Variants in VGLL4 observed in about 807,000 individuals in gnomAD.
The protein encoded by VGLL4 is transcription cofactor vestigial-like protein 4.
VGLL4 carries 7 observed loss-of-function variants against 21.0 expected under a neutral mutation model. The observed-to-expected ratio is 0.33, with a 90% confidence interval of 0.19 to 0.63. The LOEUF (loss-of-function observed/expected upper bound fraction) is 0.63, where lower values mean the gene tolerates loss of function less well. Ranked by LOEUF, VGLL4 falls within the 20% of genes least tolerant of loss-of-function variation. The pLI, the probability that VGLL4 is intolerant of heterozygous loss-of-function variation, is 0.78. For synonymous variants in VGLL4, 222 were observed against 173.2 expected, an observed-to-expected ratio of 1.28 and a Z score of -2.21; for missense variants, 394 against 425.7, an observed-to-expected ratio of 0.93 and a Z score of 0.66.
chr3:11,569,335 A>G (rs1228571582), intron 2 of VGLL4, among the ~76,000 whole-genome samples: 1 of 152,126 alleles, frequency 6.6e-6, no homozygotes, highest in Non-Finnish European at 1.5e-5. Flanking sequence ...CATTTTGAGG[A>G]TACATTCTGG....
At chr3:11,672,045 C>T (rs958571800) in intron 2 of VGLL4, among the ~76,000 whole-genome samples, 4 of 151,372 alleles carry the variant, frequency 2.6e-5, no homozygotes, top group African/African-American at 9.7e-5. Context: ...TCCTGCAAAG[C>T]GGAATAATTT....
chr3:11,662,110 G>A (rs1430785262), intron 2 of VGLL4, among the ~76,000 whole-genome samples: 3 of 152,118 alleles, frequency 2.0e-5, no homozygotes, highest in African/African-American at 7.2e-5. Flanking sequence ...ATTCTCCCTG[G>A]CTAACATTAT....
intron 3 of VGLL4, among the ~76,000 whole-genome samples, chr3:11,560,158 C>T (rs1017884770): frequency 1.3e-5 from 2 of 152,180 alleles, no homozygotes; most frequent in Non-Finnish European, 2.9e-5. Context: ...CCCACCACCA[C>T]CGCTTTTCAC....
At chr3:11,563,123 G>T (rs1403337142) in intron 3 of VGLL4, among the ~76,000 whole-genome samples, 1 of 152,198 alleles carries the variant, frequency 6.6e-6, no homozygotes, top group African/African-American at 2.4e-5. Flanking sequence ...CACTAAGCCC[G>T]CCAAGGGCCC....
chr3:11,585,253 T>C (rs2074334520), intron 2 of VGLL4, among the ~76,000 whole-genome samples: 1 of 151,926 alleles, frequency 6.6e-6, no homozygotes, highest in Admixed American at 6.6e-5. Context: ...CTGGCCAACA[T>C]GGTGAAACCC....
intron 1 of VGLL4, among the ~76,000 whole-genome samples, chr3:11,704,383 C>CAAAAAAAAAAAAAAAAAAAAA (rs57593843): frequency 2.3e-4 from 16 of 69,148 alleles, no homozygotes; most frequent in East Asian, 7.6e-4. Context: ...AACTCCGTCT[C>CAAAAAAAAAAAAAAAAAAAAA]AAAAAAAAAA....
intron 2 of VGLL4, among the ~76,000 whole-genome samples, chr3:11,596,277 T>G (rs2125254563): frequency 6.6e-6 from 1 of 152,270 alleles, no homozygotes; most frequent in Non-Finnish European, 1.5e-5. Flanking sequence ...AACAATATAT[T>G]TCAAATAATA....
intron 2 of VGLL4, among the ~76,000 whole-genome samples, chr3:11,596,889 A>C (rs932687004): frequency 5.9e-5 from 9 of 152,338 alleles, no homozygotes; most frequent in Non-Finnish European, 1.3e-4. Flanking sequence ...GATAACACCT[A>C]GCACCTGGAT....
At chr3:11,614,300 C>T (rs938601215) in intron 1 of VGLL4, among the ~76,000 whole-genome samples, 3 of 152,244 alleles carry the variant, frequency 2.0e-5, no homozygotes, top group African/African-American at 7.2e-5. Context: ...GGCAGCGTCC[C>T]TTGTGACGTG....
In VGLL4 at chr3:11,557,636, C is replaced by G. The variant is rs2072564698; in HGVS notation, c.*920G>C. 1 of 152,870 alleles carries G rather than the reference C, an allele frequency of 6.5e-6. No individual in the cohort carries two copies. The highest frequency in any genetic ancestry group is 3.4e-3 in the Middle Eastern group (1 of 294). 9.5% of individuals were successfully genotyped at this position (152,870 alleles called of 1,614,324 possible). On this transcript the variant is annotated 3_prime_UTR_variant, in exon 5 of 5. Transcript: ENST00000430365. The stretch of plus-strand genomic sequence containing the variant: ...GCAGTAAGTATATCTAGGACTGTAA[C>G]TGACAAAAATAAACTAATTCTGAAA...
intron 3 of VGLL4, among the ~76,000 whole-genome samples, chr3:11,564,449 G>T (rs987493009): frequency 6.6e-6 from 1 of 152,014 alleles, no homozygotes; most frequent in Non-Finnish European, 1.5e-5. Context: ...AGAGAATCAG[G>T]CCTGCCACAG....
chr3:11,714,670 G>A (rs1668767260), intron 1 of VGLL4, among the ~76,000 whole-genome samples: 1 of 151,754 alleles, frequency 6.6e-6, no homozygotes. Flanking sequence ...TATACAGCAA[G>A]GCATATGAAA....
rs916684813 is a variant in VGLL4 at position 11,556,179 on chromosome 3, G to A, written c.*2377C>T. The A allele has an allele frequency of 2.0e-5, 3 of 152,506 alleles. No individual in the cohort carries two copies. The highest frequency in any genetic ancestry group is 1.3e-4 in the Admixed American group (2 of 15,262). The allele number at this position is 152,506 out of a possible 1,614,324, so 9.4% of individuals were successfully genotyped here. ...CCAGGAAAAACAGGCCACAGAGAAT[G>A]GTATATTACAGATTTACACACATGA... On this transcript the variant is annotated 3_prime_UTR_variant, in exon 5 of 5. Coordinates refer to ENST00000430365, the MANE Select transcript of VGLL4 (RefSeq NM_001128219.3).
intron 2 of VGLL4, among the ~76,000 whole-genome samples, chr3:11,679,451 G>A (rs750770403): frequency 7.9e-5 from 12 of 152,282 alleles, no homozygotes; most frequent in Middle Eastern, 3.4e-3. Flanking sequence ...TTGGGAGGCC[G>A]AGGCGGGCGG....
chr3:11,689,309 C>A (rs1166697713), intron 2 of VGLL4, among the ~76,000 whole-genome samples: 1 of 152,148 alleles, frequency 6.6e-6, no homozygotes, highest in African/African-American at 2.4e-5. Flanking sequence ...GACCTCCATG[C>A]CTGTTCCTTT....
At chr3:11,644,845 CAAAA>C (rs11293808), upstream of VGLL4, among the ~76,000 whole-genome samples, 8 of 71,210 alleles carry the variant, frequency 1.1e-4, no homozygotes, top group South Asian at 4.4e-4. Context: ...GACTTTGTCT[CAAAA>C]AAAAAAAAAA....
chr3:11,579,188 G>C (rs1426260981), intron 2 of VGLL4, among the ~76,000 whole-genome samples: 1 of 149,554 alleles, frequency 6.7e-6, no homozygotes, highest in Non-Finnish European at 1.5e-5. Flanking sequence ...TCCAAAACTA[G>C]GGGGAAAGGG....
At chr3:11,648,970 C>CT (rs749481175) in intron 2 of VGLL4, among the ~76,000 whole-genome samples, 15 of 152,232 alleles carry the variant, frequency 9.9e-5, no homozygotes, top group Non-Finnish European at 1.9e-4. Context: ...ACACACTAGA[C>CT]TGTTTTATGA....
intron 2 of VGLL4, among the ~76,000 whole-genome samples, chr3:11,679,664 C>A (rs1317147745): frequency 6.6e-6 from 1 of 151,954 alleles, no homozygotes; most frequent in Non-Finnish European, 1.5e-5. Flanking sequence ...GCCTGGGCGA[C>A]AGAGCAACAC....
Sources: allele counts gnomAD v4.1 joint callset (sites outside exome capture counted in the v4.1 genomes callset), GRCh38; gene constraint gnomAD v4.1.1; transcripts MANE v1.5; gene names NCBI Gene and HGNC (gene_info 2026-07-23, HGNC 2026-07-21).